The following FREM1 variants were observed in gnomAD, a reference collection of about 807,000 sequenced individuals.
The protein encoded by FREM1 is FRAS1 related extracellular matrix 1, also known as FRAS1-related extracellular matrix protein 1.
Under a neutral mutation model 210.1 loss-of-function variants are expected in FREM1, and 220 were observed. The observed-to-expected ratio is 1.05, with a 90% CI of 0.94 to 1.17. The LOEUF (loss-of-function observed/expected upper bound fraction) is 1.17, where lower values mean the gene tolerates loss of function less well. Ranked by LOEUF, FREM1 falls within the 50% of genes most tolerant of loss-of-function variation. FREM1 has a pLI of 0.00. For synonymous variants in FREM1, 1,189 were observed against 980.2 expected (o/e 1.21, Z -3.98); for missense variants, 3,454 against 2,675.5 (o/e 1.29, Z -6.42).
intron 16 of FREM1, among the ~76,000 whole-genome samples, chr9:14,812,084 T>G (rs1490378374): frequency 6.6e-6 from 1 of 152,176 alleles, no homozygotes; most frequent in Non-Finnish European, 1.5e-5. Flanking sequence ...CTGTCATCTT[T>G]GCATGCAAAT....
chr9:14,874,017 A>G (rs1012654447), intron 1 of FREM1, among the ~76,000 whole-genome samples: 2 of 152,092 alleles, frequency 1.3e-5, no homozygotes, highest in Non-Finnish European at 2.9e-5. Flanking sequence ...GTTTCATTGC[A>G]CTGTGGTCTG....
intron 28 of FREM1, among the ~76,000 whole-genome samples, chr9:14,758,358 G>C (rs1222100285): frequency 6.6e-6 from 1 of 152,162 alleles, no homozygotes; most frequent in East Asian, 1.9e-4. Context: ...CTCCAGCCTA[G>C]AGCATATGGT....
Position 14,747,306 on chromosome 9 carries a change from T to A in FREM1, c.5967A>T (p.Ala1989=). ...KTIKVAELPQ[A]DKVESTTDSH... is the part of the protein sequence containing the mutation. ...AGTCAGTTGTGGATTCCACCTTATC[T>A]GCTTGAGGCAGTTCTGCCACTTTGA... Residue 1989 remains alanine (A), a synonymous_variant, in exon 33 of 37, where the codon GCA becomes GCT. Coordinates refer to ENST00000380880, the MANE Select transcript of FREM1 (RefSeq NM_001379081.2). The A allele has an allele frequency of 6.2e-7, 1 of 1,613,592 alleles. No homozygotes were observed. The highest frequency in any genetic ancestry group is 8.5e-7 in the Non-Finnish European group (1 of 1,179,780).
chr9:14,753,730 G>A (rs1283527889), intron 29 of FREM1, among the ~76,000 whole-genome samples: 2 of 152,174 alleles, frequency 1.3e-5, no homozygotes, highest in South Asian at 4.1e-4. Context: ...AAGAGGCAAG[G>A]ATTAACAAGA....
chr9:14,885,062 C>G (rs1433881863), intron 1 of FREM1, among the ~76,000 whole-genome samples: 1 of 145,422 alleles, frequency 6.9e-6, no homozygotes, highest in African/African-American at 2.7e-5. Context: ...GTGGCTGGGA[C>G]TACAGCTGCC....
intron 2 of FREM1, among the ~76,000 whole-genome samples, chr9:14,866,342 C>A (rs1831511349): frequency 6.6e-6 from 1 of 152,142 alleles, no homozygotes; most frequent in Non-Finnish European, 1.5e-5. Flanking sequence ...TGCCTTGGAG[C>A]AGGCCAAGCA....
chr9:14,784,209 TA>T, intron 24 of FREM1, 160 bp downstream of exon 24: 1 of 624,024 alleles, frequency 1.6e-6, no homozygotes, highest in South Asian at 5.8e-5. Flanking sequence ...TTCCTTTTTT[TA>T]AAAAACAAAT....
At chr9:14,846,482 C>A (rs976431748) in intron 7 of FREM1, among the ~76,000 whole-genome samples, 14 of 152,150 alleles carry the variant, frequency 9.2e-5, no homozygotes, top group Admixed American at 9.2e-4. Flanking sequence ...ACCTATGTAA[C>A]AAACCTACAC....
chr9:14,797,543 G>A lies in FREM1; in HGVS notation c.3794C>T (p.Ser1265Leu), dbSNP rs774180374. The A allele has an allele frequency of 1.2e-6, 2 of 1,611,702 alleles. No homozygotes were observed. Among genetic ancestry groups the A allele is most frequent in the Non-Finnish European group, 1.7e-6 (2 of 1,178,152 alleles). ...DGKHKILKTISVEVIPVNDEK... is the reference protein window; with the variant it reads ...DGKHKILKTILVEVIPVNDEK... The stretch of plus-strand genomic sequence containing the variant: ...ATCATTAACTGGGATGACCTCTACT[G>A]AAATGGTTTTAAGTATCTTATGTTT... Residue 1265 changes from serine (S) to leucine (L), a missense_variant, in exon 21 of 37, where the codon TCA becomes TTA. Coordinates refer to ENST00000380880, the MANE Select transcript of FREM1 (RefSeq NM_001379081.2).
Position 14,881,428 on chromosome 9 carries a change from G to A in FREM1, c.-267-12184C>T, listed in dbSNP as rs201763066. 5.3e-5 allele frequency among the ~76,000 whole-genome samples: 8 copies of A among 152,140 alleles called. No individual in the cohort carries two copies. The East Asian group carries it at 1.3e-3, about 26-fold the overall frequency. ...AAAAAAAAGCTATCTTGGAGGCTTT[G>A]CCATATTTTACAAATTTGTGTTTAA... is the stretch of plus-strand genomic sequence containing the variant. On this transcript the variant is annotated intron_variant, in intron 1 of 36. Coordinates refer to ENST00000380880, the MANE Select transcript of FREM1 (RefSeq NM_001379081.2).
At chr9:14,858,998 A>C (rs1829313372) in intron 4 of FREM1, among the ~76,000 whole-genome samples, 185 bp downstream of exon 4, 1 of 152,224 alleles carries the variant, frequency 6.6e-6, no homozygotes. Flanking sequence ...AATAAAGAAC[A>C]GATGAAGTTC....
intron 25 of FREM1, among the ~76,000 whole-genome samples, chr9:14,771,463 T>C (rs1847560675): frequency 2.0e-5 from 3 of 152,208 alleles, no homozygotes; most frequent in Admixed American, 1.3e-4. Flanking sequence ...TTTGTGAAGA[T>C]GGTGGATGAC....
intron 1 of FREM1, among the ~76,000 whole-genome samples, chr9:14,897,719 T>G (rs926665288): frequency 5.9e-5 from 9 of 151,936 alleles, no homozygotes; most frequent in African/African-American, 2.2e-4. Context: ...GCTTCCTGAG[T>G]AGCTAGGACT....
rs199934343 is a variant in FREM1 at position 14,861,020 on chromosome 9, C to CACATATATACATATAT, written c.330-1552_330-1537dup. ...ATATATACACATATATACATATATA[C>CACATATATACATATAT]ACATATATACATATATACATATATA... is the stretch of plus-strand genomic sequence containing the variant. On this transcript the variant is annotated intron_variant, in intron 3 of 36. Transcript: ENST00000380880. 1.1e-3 allele frequency among the ~76,000 whole-genome samples: 108 copies of CACATATATACATATAT among 101,486 alleles called. 15 individuals are homozygous for CACATATATACATATAT. Among genetic ancestry groups the CACATATATACATATAT allele is most frequent in the East Asian group, 6.3e-3 (22 of 3,506 alleles). The allele number at this position is 101,486 out of a possible 152,430, so 66.6% of individuals were successfully genotyped here.
chr9:14,901,452 T>C (rs892303957), intron 1 of FREM1, among the ~76,000 whole-genome samples: 1 of 152,212 alleles, frequency 6.6e-6, no homozygotes, highest in Non-Finnish European at 1.5e-5. Context: ...CTCAATCTTG[T>C]TCGTTTCAGC....
chr9:14,815,311 A>T (rs897178081), intron 15 of FREM1, among the ~76,000 whole-genome samples: 4 of 152,228 alleles, frequency 2.6e-5, no homozygotes, highest in African/African-American at 9.6e-5. Context: ...TTGTACCTAA[A>T]TATCCTTAGC....
At chr9:14,768,735 T>C (rs1846944203) in intron 27 of FREM1, among the ~76,000 whole-genome samples, 1 of 152,080 alleles carries the variant, frequency 6.6e-6, no homozygotes, top group South Asian at 2.1e-4. Flanking sequence ...AGAACTACAA[T>C]TCAGGATCCA....
At position 14,868,862 on chromosome 9, in the gene FREM1, G is replaced by A. The variant is rs1832050223; in HGVS notation, c.116C>T (p.Ser39Phe). 1.2e-6 allele frequency: 2 copies of A among 1,609,426 alleles called. No individual in the cohort carries two copies. Among genetic ancestry groups the A allele is most frequent in the African/African-American group, 2.7e-5 (2 of 74,870 alleles). The change falls in exon 2 of 37, where the codon TCT (serine) becomes TTT (phenylalanine). Residue 39 changes from serine (S) to phenylalanine (F), a missense_variant. Ser to Phe is a radical substitution (Grantham distance 155). Coordinates refer to ENST00000380880, the MANE Select transcript of FREM1 (RefSeq NM_001379081.2). ...CAGGTCATCTCCTGACAGGAAGGCA[G>A]AGTGGCCCTTCATCACCCTCACCCC... ...NRGVRVMKGH[S>F]AFLSGDDLKF...
rs576142799 is a variant in FREM1, at chr9:14,851,578, G to T, written c.858C>A (p.Ile286=). Residue 286 remains isoleucine (I), a synonymous_variant, in exon 6 of 37, where the codon ATC becomes ATA. Coordinates refer to ENST00000380880, the MANE Select transcript of FREM1 (RefSeq NM_001379081.2). ...GAATCTGATTCGGAATTCCAGCTCT[G>T]ATATAGACAGGCAGCCACGCACTCT... is the stretch of plus-strand genomic sequence containing the variant. ...KSESAWLPVY[I]RAGIPNQIPK... is the part of the protein sequence containing the mutation. 3 of 1,613,690 alleles carry T rather than the reference G, an allele frequency of 1.9e-6. No homozygotes were observed. The highest frequency in any genetic ancestry group is 2.5e-6 in the Non-Finnish European group (3 of 1,179,744).
Sources: gnomAD v4.1 joint callset for allele counts (sites outside exome capture counted in the v4.1 genomes callset) on GRCh38, gnomAD v4.1.1 for gene constraint, MANE v1.5 for transcripts, NCBI Gene and HGNC (gene_info 2026-07-23, HGNC 2026-07-21) for gene names.